Variants in IQSEC1 observed in about 807,000 individuals in gnomAD.
IQSEC1 encodes IQ motif and Sec7 domain ArfGEF 1, also known as IQ motif and SEC7 domain-containing protein 1.
In IQSEC1, 31 loss-of-function variants were observed where a neutral mutation model predicts 91.0. The ratio of observed to expected loss-of-function variants is 0.34; its 90% CI spans 0.26 to 0.46. The LOEUF (loss-of-function observed/expected upper bound fraction) is 0.46. Ranked by LOEUF, IQSEC1 falls within the 20% of genes least tolerant of loss-of-function variation. The pLI, the probability that IQSEC1 is intolerant of heterozygous loss-of-function variation, is 1.00. For synonymous variants in IQSEC1, 699 were observed against 662.6 expected, an observed-to-expected ratio of 1.05 and a Z score of -0.84; for missense variants, 1,388 against 1,575.6, an observed-to-expected ratio of 0.88 and a Z score of 2.02.
Position 13,261,765 on chromosome 3 carries a change from C to T in IQSEC1, c.272+20946G>A, listed in dbSNP as rs80249850. ...TTGACAACATACCCGTGAAATTCAC[C>T]CATGAAATTCACACAGCTCAGTTCC... On this transcript the variant is annotated intron_variant, in intron 1 of 15. Transcript: ENST00000648114. Among the ~76,000 whole-genome samples, 989 of 152,244 alleles carry T rather than the reference C, an allele frequency of 6.5e-3. 6 individuals carry two copies. Among genetic ancestry groups the T allele is most frequent in the African/African-American group, 0.022 (924 of 41,542 alleles).
At chr3:12,917,588 G>A (rs1440287439) in intron 6 of IQSEC1, among the ~76,000 whole-genome samples, 1 of 152,102 alleles carries the variant, frequency 6.6e-6, no homozygotes, top group East Asian at 1.9e-4. Flanking sequence ...CTTCTCTTTC[G>A]TGCTGAGCAC....
At chr3:12,925,227 G>A (rs1697010654) in intron 3 of IQSEC1, among the ~76,000 whole-genome samples, 1 of 152,232 alleles carries the variant, frequency 6.6e-6, no homozygotes, top group South Asian at 2.1e-4. Context: ...CGCCATGCCA[G>A]GCTGCACTTC....
intron 1 of IQSEC1, among the ~76,000 whole-genome samples, chr3:13,266,319 C>G (rs1237994079): frequency 1.2e-4 from 19 of 152,332 alleles, no homozygotes; most frequent in Non-Finnish European, 1.0e-4. Flanking sequence ...TGGCATCAAG[C>G]AGCCTGAGAC....
At chr3:13,148,590 C>T (rs375469344) in intron 2 of IQSEC1, among the ~76,000 whole-genome samples, 6 of 152,244 alleles carry the variant, frequency 3.9e-5, no homozygotes, top group African/African-American at 1.4e-4. Context: ...GATTTGGCCT[C>T]CTGGGTGACA....
intron 2 of IQSEC1, among the ~76,000 whole-genome samples, chr3:13,104,797 G>A (rs1239178972): frequency 6.6e-6 from 1 of 152,178 alleles, no homozygotes; most frequent in African/African-American, 2.4e-5. Context: ...ACCCATGTGA[G>A]GGGCTGTAGG....
Position 13,273,840 on chromosome 3 carries a change from C to T in IQSEC1, c.272+8871G>A, listed in dbSNP as rs111575502. ...CCTGCTGGCTCTGCCTCACCCCTCG[C>T]CCCTGCCCTGTTTGCCTCCACCCTC... On this transcript the variant is annotated intron_variant, in intron 1 of 15. Transcript: ENST00000648114. Among the ~76,000 whole-genome samples the T allele has an allele frequency of 3.4e-3, 513 of 152,312 alleles. 3 individuals carry two copies. Among genetic ancestry groups the T allele is most frequent in the African/African-American group, 0.012 (491 of 41,584 alleles).
intron 1 of IQSEC1, among the ~76,000 whole-genome samples, chr3:13,242,034 T>TATGTGTGC (rs1443969624): frequency 1.3e-5 from 2 of 152,214 alleles, no homozygotes; most frequent in African/African-American, 4.8e-5. Flanking sequence ...CACATGTGTG[T>TATGTGTGC]ATGTGTGCAT....
At chr3:13,149,973 T>C (rs1429886228) in intron 2 of IQSEC1, among the ~76,000 whole-genome samples, 1 of 152,192 alleles carries the variant, frequency 6.6e-6, no homozygotes, top group Admixed American at 6.5e-5. Context: ...AAACAGTCCC[T>C]AGGCTCCCGG....
chr3:12,901,377 G>C lies in IQSEC1; in HGVS notation c.2951C>G (p.Ala984Gly). 1 of 1,539,586 alleles carries C rather than the reference G, an allele frequency of 6.5e-7. No individual in the cohort carries two copies. The highest frequency in any genetic ancestry group is 1.7e-4 in the Middle Eastern group (1 of 5,908). The change falls in exon 14 of 14, where the codon GCC becomes GGC. Residue 984 changes from alanine (A) to glycine (G), a missense_variant. Ala to Gly is a moderately conservative substitution (Grantham distance 60, BLOSUM62 0). Transcript: ENST00000613206. ...CAGGGCTGGGGCTGAGGGCAGGTGG[G>C]CCTGGGGAGGGGGCTTCCCTCTCTT... ...GSKRGKPPPQ[A>G]HLPSAPALPP...
intron 1 of IQSEC1, among the ~76,000 whole-genome samples, chr3:12,957,464 A>T (rs1699982151): frequency 6.6e-6 from 1 of 152,228 alleles, no homozygotes; most frequent in Admixed American, 6.5e-5. Flanking sequence ...GCTGAGCCAA[A>T]TTAAATACAG....
chr3:13,114,749 C>T (rs71306040), intron 2 of IQSEC1, among the ~76,000 whole-genome samples: 15,105 of 146,760 alleles, frequency 0.1, 1,066 homozygotes, highest in East Asian at 0.28. Context: ...ACCAAGATCA[C>T]GTCACTGCAC....
chr3:13,116,638 C>T (rs759254932), intron 2 of IQSEC1, among the ~76,000 whole-genome samples: 35 of 152,096 alleles, frequency 2.3e-4, no homozygotes, highest in Admixed American at 1.2e-3. Flanking sequence ...CAGTGCCTCA[C>T]GCCTGTAATC....
chr3:13,093,807 C>G (rs1705909495), intron 2 of IQSEC1, among the ~76,000 whole-genome samples: 2 of 152,192 alleles, frequency 1.3e-5, no homozygotes, highest in African/African-American at 4.8e-5. Context: ...CCACGTGACT[C>G]CGCTAGGTCT....
chr3:13,263,966 T>A (rs1224439871), intron 1 of IQSEC1, among the ~76,000 whole-genome samples: 1 of 152,238 alleles, frequency 6.6e-6, no homozygotes, highest in East Asian at 1.9e-4. Flanking sequence ...TCCTTGTCCC[T>A]GCGCCTGTCC....
In IQSEC1 at chr3:13,193,516, G is replaced by A. The variant is rs1209040773; in HGVS notation, c.273-29383C>T. Among the ~76,000 whole-genome samples the A allele has an allele frequency of 6.6e-6, 1 of 152,176 alleles. No homozygotes were observed. The highest frequency in any genetic ancestry group is 1.5e-5 in the Non-Finnish European group (1 of 68,040). ...GTGGTGACTGGGAACAAGGCACAGA[G>A]GGGACGAAGAGGAGTGCCAGCCCAG... On this transcript the variant is annotated intron_variant, in intron 1 of 15. Transcript: ENST00000648114. The surrounding 1 kb of genome is among the most constrained non-coding windows in gnomAD (Gnocchi z 4.2).
At chr3:13,068,997 G>C (rs1280807219) in intron 1 of IQSEC1, among the ~76,000 whole-genome samples, 2 of 152,230 alleles carry the variant, frequency 1.3e-5, no homozygotes, top group Non-Finnish European at 1.5e-5. Flanking sequence ...TGAAGGCAGG[G>C]AAGTGAAGGC....
At chr3:13,068,822 A>T (rs1705321572) in intron 1 of IQSEC1, among the ~76,000 whole-genome samples, 1 of 151,886 alleles carries the variant, frequency 6.6e-6, no homozygotes. Context: ...AGCCCTCCTC[A>T]CTTCCTGAGT....
intron 2 of IQSEC1, among the ~76,000 whole-genome samples, chr3:13,093,036 T>G (rs1002726574): frequency 6.6e-6 from 1 of 151,954 alleles, no homozygotes; most frequent in Non-Finnish European, 1.5e-5. Context: ...TGTTGTGTCT[T>G]CTTGGCAACA....
intron 1 of IQSEC1, among the ~76,000 whole-genome samples, chr3:13,263,924 G>GAGA (rs1695439147): frequency 6.6e-6 from 1 of 152,206 alleles, no homozygotes; most frequent in Non-Finnish European, 1.5e-5. Flanking sequence ...GGACAAGAAA[G>GAGA]TCTGCTGGCC....
Sources: allele counts gnomAD v4.1 joint callset (sites outside exome capture counted in the v4.1 genomes callset), GRCh38; gene constraint gnomAD v4.1.1; non-coding constraint Gnocchi (gnomAD v3.1); transcripts MANE v1.5; gene names NCBI Gene and HGNC (gene_info 2026-07-23, HGNC 2026-07-21).